Variants in PEX14 observed in about 807,000 individuals in gnomAD.
The protein encoded by PEX14 is peroxisomal biogenesis factor 14.
Under a neutral mutation model 49.5 loss-of-function variants are expected in PEX14, and 15 were observed. The observed-to-expected ratio is 0.30, with a 90% CI of 0.20 to 0.47. The LOEUF is 0.47. Among genes scored for constraint, PEX14 ranks in the 20% least tolerant of loss-of-function variants. PEX14 has a pLI of 1.00. For missense variants in PEX14, 398 were observed against 494.8 expected (o/e 0.80, Z 1.86); for synonymous variants, 210 against 212.7 (o/e 0.99, Z 0.11).
At chr1:10,501,920 C>T (rs1192208021) in intron 2 of PEX14, among the ~76,000 whole-genome samples, 1 of 151,864 alleles carries the variant, frequency 6.6e-6, no homozygotes, top group African/African-American at 2.4e-5. Flanking sequence ...CAAAACCCAC[C>T]CCCCTGCCCA....
chr1:10,521,337 T>C (rs976442733), intron 2 of PEX14, among the ~76,000 whole-genome samples: 1 of 152,194 alleles, frequency 6.6e-6, no homozygotes, highest in Non-Finnish European at 1.5e-5. Context: ...AAATACTGAC[T>C]AGGGAAGATG....
chr1:10,534,756 G>C (rs768598248), intron 2 of PEX14, among the ~76,000 whole-genome samples: 10 of 152,166 alleles, frequency 6.6e-5, no homozygotes, highest in Non-Finnish European at 1.3e-4. Context: ...TGTCCTGTTG[G>C]TGACAGGCCC....
intron 2 of PEX14, among the ~76,000 whole-genome samples, chr1:10,534,123 T>G (rs1638729431): frequency 6.6e-6 from 1 of 152,228 alleles, no homozygotes; most frequent in Non-Finnish European, 1.5e-5. Context: ...TTAAGACCTG[T>G]TCATCCACAT....
In PEX14 at chr1:10,514,418, A is replaced by T. The variant is rs1557821085; in HGVS notation, c.84+19097A>T. ...TACTGTGTTGTTTGTGCACGTGTGTAACAATATACAGTGTTTGTTCAATGT... is the reference window on the plus strand; with the variant it reads ...TACTGTGTTGTTTGTGCACGTGTGTTACAATATACAGTGTTTGTTCAATGT... On this transcript the variant is annotated intron_variant, in intron 2 of 8. Transcript: ENST00000356607. The surrounding 1 kb of genome is among the most constrained non-coding windows in gnomAD (Gnocchi z 4.4). Among the ~76,000 whole-genome samples the T allele has an allele frequency of 6.6e-6, 1 of 152,216 alleles. No individual in the cohort carries two copies. The highest frequency in any genetic ancestry group is 1.5e-5 in the Non-Finnish European group (1 of 68,040).
At chr1:10,531,671 T>G (rs1233273534) in intron 2 of PEX14, among the ~76,000 whole-genome samples, 1 of 152,180 alleles carries the variant, frequency 6.6e-6, no homozygotes, top group Non-Finnish European at 1.5e-5. Context: ...TTTTTGAATA[T>G]TTTTAATATT....
chr1:10,587,313 G>C (rs1363908109), intron 3 of PEX14, among the ~76,000 whole-genome samples: 1 of 151,748 alleles, frequency 6.6e-6, no homozygotes, highest in East Asian at 1.9e-4. Flanking sequence ...AAAATTAGCA[G>C]GGCTGGTGGC....
chr1:10,587,930 A>AC lies in PEX14; in HGVS notation c.170-11308_170-11307insC, dbSNP rs1640548289. On this transcript the variant is annotated intron_variant, in intron 3 of 8. Coordinates refer to ENST00000356607, the MANE Select transcript of PEX14 (RefSeq NM_004565.3). The stretch of plus-strand genomic sequence containing the variant: ...TTTTTTTTTTTTTTTTAAAAAAAAA[A>AC]GAGATGGAGTCTTGGCCAGGCACAG... 2.1e-5 allele frequency among the ~76,000 whole-genome samples: 3 copies of AC among 141,054 alleles called. No homozygotes were observed. In the Admixed American group the frequency reaches 2.2e-4, roughly 10 times the overall value. 92.5% of individuals were successfully genotyped at this position (141,054 alleles called of 152,430 possible). A position where few individuals can be genotyped will look rare whatever the true frequency, so the allele number is the denominator to read the frequency against.
intron 3 of PEX14, among the ~76,000 whole-genome samples, chr1:10,594,424 A>G (rs1173141705): frequency 1.3e-5 from 2 of 152,136 alleles, no homozygotes; most frequent in Non-Finnish European, 2.9e-5. Context: ...AGAGGTCCCA[A>G]TGACCAGCCC....
intron 3 of PEX14, among the ~76,000 whole-genome samples, chr1:10,580,849 G>A (rs567130806): frequency 6.6e-6 from 1 of 151,008 alleles, no homozygotes; most frequent in African/African-American, 2.4e-5. Context: ...GCTTATATAT[G>A]CCAGGCATTG....
intron 2 of PEX14, among the ~76,000 whole-genome samples, chr1:10,515,065 C>T (rs545331564): frequency 2.0e-5 from 3 of 152,296 alleles, no homozygotes; most frequent in East Asian, 1.9e-4. Context: ...GAGTGGGCTC[C>T]GTCCTCCAGC....
chr1:10,586,106 C>T (rs1482412050), intron 3 of PEX14, among the ~76,000 whole-genome samples: 2 of 152,224 alleles, frequency 1.3e-5, no homozygotes, highest in Admixed American at 6.5e-5. Context: ...CTTCTTTCTC[C>T]ATGTTTGGTA....
Position 10,496,319 on chromosome 1 carries a change from G to A in PEX14, c.84+998G>A, listed in dbSNP as rs138611692. Among the ~76,000 whole-genome samples the A allele has an allele frequency of 1.1e-3, 168 of 152,214 alleles. 1 individual carries two copies. Among genetic ancestry groups the A allele is most frequent in the African/African-American group, 3.9e-3 (160 of 41,528 alleles). On this transcript the variant is annotated intron_variant, in intron 2 of 8. Transcript: ENST00000356607. ...CACCTGCTGTTACGTCACCAGTTAC[G>A]GGCTTATATCCCAGCACTCCCACGG... is the stretch of plus-strand genomic sequence containing the variant.
intron 2 of PEX14, among the ~76,000 whole-genome samples, chr1:10,499,072 A>G (rs1219621926): frequency 6.6e-6 from 1 of 152,256 alleles, no homozygotes; most frequent in African/African-American, 2.4e-5. Flanking sequence ...CCACATGTGC[A>G]TGGGGTAATT....
intron 3 of PEX14, among the ~76,000 whole-genome samples, chr1:10,553,032 A>G (rs1178658466): frequency 1.3e-5 from 2 of 152,150 alleles, no homozygotes; most frequent in Non-Finnish European, 2.9e-5. Context: ...AAGAGTGTGG[A>G]TTTTGTTATG....
At chr1:10,593,199 G>T (rs1640721472) in intron 3 of PEX14, among the ~76,000 whole-genome samples, 1 of 152,100 alleles carries the variant, frequency 6.6e-6, no homozygotes. Flanking sequence ...TGGTTCACTG[G>T]GATAAGGAGG....
chr1:10,491,565 C>T (rs1014155601), intron 1 of PEX14, among the ~76,000 whole-genome samples: 20 of 151,618 alleles, frequency 1.3e-4, no homozygotes, highest in Admixed American at 1.1e-3. Context: ...TGGGGTCTCG[C>T]TGTGTTGCCC....
intron 3 of PEX14, among the ~76,000 whole-genome samples, chr1:10,589,798 T>C (rs887268325): frequency 6.6e-6 from 1 of 152,238 alleles, no homozygotes; most frequent in Non-Finnish European, 1.5e-5. Context: ...TTTAAAACTC[T>C]TGCGATAGAG....
At chr1:10,584,237 T>A (rs1030175441) in intron 3 of PEX14, among the ~76,000 whole-genome samples, 1 of 152,174 alleles carries the variant, frequency 6.6e-6, no homozygotes, top group Non-Finnish European at 1.5e-5. Flanking sequence ...TTTGGAGTTG[T>A]CATTAACTAG....
chr1:10,482,507 C>G lies in PEX14; in HGVS notation c.36+7505C>G, dbSNP rs1387109355. Among the ~76,000 whole-genome samples the G allele has an allele frequency of 2.7e-5, 4 of 150,898 alleles. No individual in the cohort carries two copies. The East Asian group carries it at 7.8e-4, about 30-fold the overall frequency. Reference sequence around the variant, plus strand: ...GGAGTGCAGTGGCGCAATCTCAGCTCACTGCAACCTCCGTCTCCCGGGTTC... The same window carrying G: ...GGAGTGCAGTGGCGCAATCTCAGCTGACTGCAACCTCCGTCTCCCGGGTTC... On this transcript the variant is annotated intron_variant, in intron 1 of 8. Transcript: ENST00000356607.
Sources: allele counts gnomAD v4.1 joint callset (sites outside exome capture counted in the v4.1 genomes callset), GRCh38; gene constraint gnomAD v4.1.1; non-coding constraint Gnocchi (gnomAD v3.1); transcripts MANE v1.5; gene names NCBI Gene and HGNC (gene_info 2026-07-23, HGNC 2026-07-21).